The following UST variants were observed in gnomAD, a reference collection of about 807,000 sequenced individuals.
UST encodes the protein uronyl 2-sulfotransferase.
In UST, 21 loss-of-function variants were observed where a neutral mutation model predicts 45.6. The ratio of observed to expected loss-of-function variants is 0.46; its 90% confidence interval spans 0.33 to 0.66. The LOEUF is 0.66. Among genes scored for constraint, UST ranks in the 30% least tolerant of loss-of-function variants. The pLI is 0.02. For synonymous variants in UST, 215 were observed against 200.6 expected (o/e 1.07, Z -0.61); for missense variants, 463 against 512.4 (o/e 0.90, Z 0.93).
At chr6:148,824,011 A>G (rs1777519643) in intron 1 of UST, among the ~76,000 whole-genome samples, 1 of 152,240 alleles carries the variant, frequency 6.6e-6, no homozygotes. Context: ...GAGATAACAG[A>G]AAAAGCTGAA....
intron 1 of UST, among the ~76,000 whole-genome samples, chr6:148,796,670 G>A (rs66659126): frequency 0.25 from 35,928 of 145,078 alleles, 5,580 homozygotes; most frequent in African/African-American, 0.44. Context: ...AGAGAGTGAA[G>A]CACACTGAAG....
intron 1 of UST, among the ~76,000 whole-genome samples, chr6:148,777,456 C>G (rs905430434): frequency 2.6e-5 from 4 of 152,228 alleles, no homozygotes; most frequent in Non-Finnish European, 4.4e-5. Context: ...TCATGTGCCA[C>G]ATAATGATGC....
At chr6:148,896,423 A>G (rs1405891042) in intron 2 of UST, among the ~76,000 whole-genome samples, 2 of 152,194 alleles carry the variant, frequency 1.3e-5, no homozygotes, top group African/African-American at 4.8e-5. Context: ...ATGTGGCCAC[A>G]GCTCCTGAAG....
intron 7 of UST, among the ~76,000 whole-genome samples, chr6:149,039,472 C>T (rs541411843): frequency 1.4e-4 from 22 of 152,104 alleles, no homozygotes; most frequent in Non-Finnish European, 2.1e-4. Context: ...GTGATCCACC[C>T]GCCTCAGCCT....
chr6:149,039,198 C>T (rs149283841), intron 7 of UST, among the ~76,000 whole-genome samples: 3 of 152,250 alleles, frequency 2.0e-5, no homozygotes, highest in East Asian at 3.9e-4. Context: ...AGACACTATG[C>T]GCTGTGATGT....
intron 1 of UST, among the ~76,000 whole-genome samples, chr6:148,847,893 C>T (rs535030422): frequency 6.6e-6 from 1 of 152,284 alleles, no homozygotes; most frequent in South Asian, 2.1e-4. Context: ...TGGGTTCATT[C>T]AGTGCAGATG....
Position 148,748,521 on chromosome 6 carries a change from C to T in UST, c.247+844C>T, listed in dbSNP as rs182639831. The stretch of plus-strand genomic sequence containing the variant: ...AAGGGGTTTGACGGGAGGGAAAGAG[C>T]CGCTCCAGCGAGAAGGCGTGACCCC... On this transcript the variant is annotated intron_variant, in intron 1 of 7. Transcript: ENST00000367463. The surrounding 1 kb of genome is among the most constrained non-coding windows in gnomAD (Gnocchi z 5.3). Among the ~76,000 whole-genome samples, 90 of 150,982 alleles carry T rather than the reference C, an allele frequency of 6.0e-4. No homozygotes were observed. The highest frequency in any genetic ancestry group is 1.8e-3 in the Admixed American group (27 of 15,180).
intron 1 of UST, among the ~76,000 whole-genome samples, chr6:148,850,260 GGTGGA>G (rs1337565084): frequency 6.6e-6 from 1 of 152,152 alleles, no homozygotes; most frequent in Non-Finnish European, 1.5e-5. Context: ...AGCAGCCCAC[GGTGGA>G]GCCAGCATTT....
chr6:148,792,134 T>G (rs749503221), intron 1 of UST, among the ~76,000 whole-genome samples: 13 of 152,216 alleles, frequency 8.5e-5, no homozygotes, highest in Non-Finnish European at 1.8e-4. Context: ...TCTCTCTGCT[T>G]CTTTCCAATC....
At chr6:148,769,013 G>A (rs1227964993) in intron 1 of UST, among the ~76,000 whole-genome samples, 1 of 152,198 alleles carries the variant, frequency 6.6e-6, no homozygotes. Flanking sequence ...GTCCTCCCTG[G>A]ACCTCTGTTG....
intron 1 of UST, among the ~76,000 whole-genome samples, chr6:148,860,374 A>T (rs753920288): frequency 4.6e-5 from 7 of 152,222 alleles, no homozygotes; most frequent in Non-Finnish European, 1.0e-4. Flanking sequence ...GAAGTTGCTT[A>T]TCAGCTTAAG....
chr6:149,038,441 T>G (rs1430479113), intron 7 of UST, among the ~76,000 whole-genome samples: 1 of 149,978 alleles, frequency 6.7e-6, no homozygotes, highest in African/African-American at 2.5e-5. Flanking sequence ...GAGACTGGAG[T>G]GATGCTGTCA....
chr6:149,020,021 A>G (rs1364586552), intron 6 of UST, among the ~76,000 whole-genome samples: 1 of 152,208 alleles, frequency 6.6e-6, no homozygotes, highest in Non-Finnish European at 1.5e-5. Flanking sequence ...TAGGAAATCA[A>G]CCCCTGCTAT....
intron 5 of UST, 99 bp from the exon 6 acceptor site, chr6:149,019,040 C>T: frequency 7.6e-6 from 7 of 926,330 alleles, no homozygotes; most frequent in Non-Finnish European, 1.2e-5. Context: ...TCAAGGCGTG[C>T]CTGTGTAATT....
chr6:149,045,900 A>G (rs1562338617), intron 7 of UST, among the ~76,000 whole-genome samples: 1 of 152,102 alleles, frequency 6.6e-6, no homozygotes, highest in South Asian at 2.1e-4. Flanking sequence ...ATTATACCTT[A>G]AAAAAAGCCA....
intron 5 of UST, among the ~76,000 whole-genome samples, chr6:148,980,430 T>A (rs1781107841): frequency 1.3e-5 from 2 of 152,206 alleles, no homozygotes. Flanking sequence ...TCTTTCAGCT[T>A]TTGCATAGTG....
chr6:148,977,954 T>A (rs1281035673), intron 5 of UST, among the ~76,000 whole-genome samples: 1 of 152,234 alleles, frequency 6.6e-6, no homozygotes, highest in East Asian at 1.9e-4. Flanking sequence ...TTCTGTTATA[T>A]CTCTCCAGAG....
intron 7 of UST, among the ~76,000 whole-genome samples, chr6:149,038,325 G>C (rs928128841): frequency 1.3e-5 from 2 of 149,230 alleles, no homozygotes; most frequent in Non-Finnish European, 3.0e-5. Context: ...ATCAAGTTAA[G>C]ATGAGGTCAT....
intron 1 of UST, among the ~76,000 whole-genome samples, chr6:148,835,321 T>G (rs1441518481): frequency 6.6e-6 from 1 of 152,162 alleles, no homozygotes; most frequent in African/African-American, 2.4e-5. Flanking sequence ...GACTTGAGCA[T>G]CCTTAGATTT....
Sources: gnomAD v4.1 joint callset for allele counts (sites outside exome capture counted in the v4.1 genomes callset) on GRCh38, gnomAD v4.1.1 for gene constraint, Gnocchi (gnomAD v3.1) non-coding constraint, MANE v1.5 for transcripts, NCBI Gene and HGNC (gene_info 2026-07-23, HGNC 2026-07-21) for gene names.